Variants in SIDT1 observed in about 807,000 individuals in gnomAD.
SIDT1 encodes the protein SID1 transmembrane family, member 1.
Under a neutral mutation model 107.5 loss-of-function variants are expected in SIDT1, and 101 were observed. That is an observed-to-expected ratio of 0.94 (90% CI 0.80 to 1.11). The LOEUF is 1.11. SIDT1 is among the 50% of genes least tolerant of loss of function. The pLI is 0.00. For synonymous variants in SIDT1, 395 were observed against 398.2 expected (o/e 0.99, Z 0.10); for missense variants, 1,076 against 1,058.2 (o/e 1.02, Z -0.23).
intron 14 of SIDT1, chr3:113,606,452 T>C (rs1945340775): frequency 1.3e-5 from 2 of 152,388 alleles, no homozygotes; most frequent in East Asian, 3.9e-4. Context: ...ATTGCATACT[T>C]ATTATGCAGT....
At chr3:113,630,191 T>C (rs1388640594), downstream of SIDT1, among the ~76,000 whole-genome samples, 1 of 152,128 alleles carries the variant, frequency 6.6e-6, no homozygotes, top group Admixed American at 6.5e-5. Context: ...GTGAAGAGGC[T>C]CTTGGCAAAG....
intron 10 of SIDT1, among the ~76,000 whole-genome samples, chr3:113,593,844 A>G (rs535932332): frequency 1.3e-5 from 2 of 152,330 alleles, no homozygotes; most frequent in Admixed American, 1.3e-4. Flanking sequence ...AACTTGGGGG[A>G]ATCCAGAGTA....
At position 113,567,899 on chromosome 3, in the gene SIDT1, G is replaced by A. The variant is rs551255192; in HGVS notation, c.515+189G>A. 1.3e-5 allele frequency: 7 copies of A among 558,634 alleles called. No individual in the cohort carries two copies. In the East Asian group the frequency reaches 2.2e-4, roughly 17 times the overall value. 34.6% of individuals were successfully genotyped at this position (558,634 alleles called of 1,614,324 possible). On this transcript the variant is annotated intron_variant, in intron 3 of 24. Transcript: ENST00000264852. ...TTAATCTATACAAAAGAGTGGGAGT[G>A]CAGAAGGTAAGAGTGGTTGACCTCA...
At chr3:113,571,798 G>C (rs189382107) in intron 3 of SIDT1, among the ~76,000 whole-genome samples, 292 of 152,286 alleles carry the variant, frequency 1.9e-3, no homozygotes, top group Non-Finnish European at 3.4e-3. Flanking sequence ...AGCTGGGCAT[G>C]GTGGTGCACA....
chr3:113,544,160 A>G (rs184017111), intron 1 of SIDT1, among the ~76,000 whole-genome samples: 135 of 151,050 alleles, frequency 8.9e-4, no homozygotes, highest in African/African-American at 3.1e-3. Context: ...GCATTTAATT[A>G]TCATGAGTCT....
At chr3:113,592,976 T>G in intron 9 of SIDT1, 29 bp from the exon 10 acceptor site, 1 of 1,579,330 alleles carries the variant, frequency 6.3e-7, no homozygotes. Context: ...TTCACTGTCT[T>G]AGGAGCATGT....
chr3:113,541,379 AG>A (rs1938842520), intron 1 of SIDT1, among the ~76,000 whole-genome samples: 1 of 152,194 alleles, frequency 6.6e-6, no homozygotes, highest in African/African-American at 2.4e-5. Flanking sequence ...CATGTTGCCC[AG>A]GCTGGTCTTG....
At chr3:113,592,601 C>CTTTTTTTTTTTTT (rs376575022) in intron 9 of SIDT1, 3 of 146,752 alleles carry the variant, frequency 2.0e-5, no homozygotes, top group African/African-American at 7.7e-5. Context: ...TTTTCTTTTT[C>CTTTTTTTTTTTTT]TTTTTTTTTT....
intron 5 of SIDT1, 59 bp from the exon 6 acceptor site, chr3:113,581,302 G>C (rs1576840140): frequency 1.5e-6 from 2 of 1,345,572 alleles, no homozygotes; most frequent in African/African-American, 2.9e-5. Flanking sequence ...ACCTATGTGT[G>C]GCATGACATT....
At chr3:113,542,807 T>C (rs1207555867) in intron 1 of SIDT1, among the ~76,000 whole-genome samples, 1 of 152,166 alleles carries the variant, frequency 6.6e-6, no homozygotes, top group Non-Finnish European at 1.5e-5. Context: ...TTTGCCCCTA[T>C]ATTCTCCATC....
chr3:113,597,433 G>A (rs928169551), intron 10 of SIDT1, among the ~76,000 whole-genome samples: 1 of 146,340 alleles, frequency 6.8e-6, no homozygotes, highest in Non-Finnish European at 1.5e-5. Flanking sequence ...GGAGGCAGAG[G>A]TTGCAATGAG....
chr3:113,592,768 A>G (rs1944263711), intron 9 of SIDT1: 1 of 421,734 alleles, frequency 2.4e-6, no homozygotes. Flanking sequence ...TTGTATTTTT[A>G]TTAGAGACGG....
chr3:113,616,124 C>A lies in SIDT1; in HGVS notation c.1991C>A (p.Ala664Asp). 2 of 1,614,010 alleles carry A rather than the reference C, an allele frequency of 1.2e-6. No individual in the cohort carries two copies. Residue 664 changes from alanine to aspartate, a missense_variant, in exon 20 of 25, where the codon GCC becomes GAC. Ala to Asp is a moderately radical substitution (Grantham distance 126). Coordinates refer to ENST00000264852, the MANE Select transcript of SIDT1 (RefSeq NM_017699.3). ...GATTTGGGAATTTTCCGGCGGGCTG[C>A]CATGGTGTTCTACACAGACTGTATC... The part of the protein sequence containing the change: ...KIDLGIFRRA[A>D]MVFYTDCIQQ...
intron 3 of SIDT1, among the ~76,000 whole-genome samples, chr3:113,568,604 A>ACTG (rs1942150093): frequency 1.2e-5 from 1 of 83,970 alleles, no homozygotes; most frequent in Non-Finnish European, 2.4e-5. Flanking sequence ...AAAAAAAAAA[A>ACTG]AGAAAAGAAA....
intron 10 of SIDT1, among the ~76,000 whole-genome samples, chr3:113,597,812 A>G (rs1054247194): frequency 6.6e-6 from 1 of 152,192 alleles, no homozygotes; most frequent in Non-Finnish European, 1.5e-5. Context: ...TCACAATCGT[A>G]AGTGTCTGCT....
At chr3:113,573,617 G>A (rs1008164442) in intron 3 of SIDT1, among the ~76,000 whole-genome samples, 1 of 152,144 alleles carries the variant, frequency 6.6e-6, no homozygotes, top group Non-Finnish European at 1.5e-5. Context: ...GTACTTGGAG[G>A]TGGGGCCTTT....
At chr3:113,535,833 C>G (rs1222477540) in intron 1 of SIDT1, among the ~76,000 whole-genome samples, 1 of 152,186 alleles carries the variant, frequency 6.6e-6, no homozygotes, top group Non-Finnish European at 1.5e-5. Context: ...AACCTCCTGT[C>G]CTACCAGCCA....
intron 24 of SIDT1, among the ~76,000 whole-genome samples, chr3:113,627,373 G>C (rs1946927207): frequency 6.6e-6 from 1 of 152,174 alleles, no homozygotes; most frequent in Admixed American, 6.5e-5. Context: ...AAGCTACATG[G>C]AGAATAGGGA....
intron 20 of SIDT1, among the ~76,000 whole-genome samples, chr3:113,617,886 C>T (rs1421075047): frequency 6.6e-6 from 1 of 152,168 alleles, no homozygotes; most frequent in African/African-American, 2.4e-5. Context: ...CATTTCCAAA[C>T]CACAGTGGTA....
Sources: gnomAD v4.1 joint callset for allele counts (sites outside exome capture counted in the v4.1 genomes callset) on GRCh38, gnomAD v4.1.1 for gene constraint, MANE v1.5 for transcripts, NCBI Gene and HGNC (gene_info 2026-07-23, HGNC 2026-07-21) for gene names.